CDK5RAP2: variants seen among roughly 807,000 people sequenced by gnomAD.
CDK5RAP2 encodes the protein CDK5 regulatory subunit associated protein 2, also known as CDK5 regulatory subunit-associated protein 2.
Under a neutral mutation model 232.9 loss-of-function variants are expected in CDK5RAP2, and 147 were observed. The ratio of observed to expected loss-of-function variants is 0.63; its 90% CI spans 0.55 to 0.72. CDK5RAP2 has a LOEUF of 0.72. Ranked by LOEUF, CDK5RAP2 falls within the 30% of genes least tolerant of loss-of-function variation. The pLI, the probability that CDK5RAP2 is intolerant of heterozygous loss-of-function variation, is 0.00. For synonymous variants in CDK5RAP2, 833 were observed against 833.7 expected, an observed-to-expected ratio of 1.00 and a Z score of 0.01; for missense variants, 2,195 against 2,231.5, an observed-to-expected ratio of 0.98 and a Z score of 0.33.
At chr9:120,523,919 G>C (rs902884964) in intron 11 of CDK5RAP2, among the ~76,000 whole-genome samples, 4 of 152,106 alleles carry the variant, frequency 2.6e-5, no homozygotes, top group Non-Finnish European at 5.9e-5. Flanking sequence ...GACGGAGGGA[G>C]GAGAAGGCAG....
chr9:120,528,201 T>C (rs1301905145), intron 9 of CDK5RAP2, among the ~76,000 whole-genome samples: 5 of 152,240 alleles, frequency 3.3e-5, no homozygotes, highest in Non-Finnish European at 5.9e-5. Context: ...CTTATGGAAT[T>C]TGAATACAGT....
Position 120,580,150 on chromosome 9 carries a change from G to A in CDK5RAP2, c.-172C>T, listed in dbSNP as rs781380022. 7.8e-4 allele frequency: 455 copies of A among 585,258 alleles called. No homozygotes were observed. Among genetic ancestry groups the A allele is most frequent in the Non-Finnish European group, 1.2e-3 (375 of 323,342 alleles). 36.3% of individuals were successfully genotyped at this position (585,258 alleles called of 1,614,324 possible). A position where few individuals can be genotyped will look rare whatever the true frequency, so the allele number is the denominator to read the frequency against. On this transcript the variant is annotated 5_prime_UTR_variant, in exon 1 of 38. Transcript: ENST00000349780. The stretch of plus-strand genomic sequence containing the variant: ...CACAGACGCCGCCATCTTTCCCGGC[G>A]CTTCTTCCTACGGAAACGAGGCGGG...
chr9:120,573,919 T>A (rs899803775), intron 1 of CDK5RAP2, among the ~76,000 whole-genome samples: 3 of 152,214 alleles, frequency 2.0e-5, no homozygotes, highest in Non-Finnish European at 4.4e-5. Context: ...CAAGGTCACA[T>A]ACACCAGGTT....
At chr9:120,515,051 C>CGAGAGAGACA (rs1256309479) in intron 12 of CDK5RAP2, among the ~76,000 whole-genome samples, 2 of 151,504 alleles carry the variant, frequency 1.3e-5, no homozygotes, top group African/African-American at 2.4e-5. Flanking sequence ...TATATATTAT[C>CGAGAGAGACA]GAGAGAGACA....
chr9:120,489,536 T>C (rs2131626354), intron 13 of CDK5RAP2, among the ~76,000 whole-genome samples: 1 of 152,276 alleles, frequency 6.6e-6, no homozygotes, highest in East Asian at 1.9e-4. Flanking sequence ...TTTTCTCATC[T>C]TTTTATTTGT....
chr9:120,545,239 G>A (rs1222692198), intron 5 of CDK5RAP2, among the ~76,000 whole-genome samples: 1 of 152,100 alleles, frequency 6.6e-6, no homozygotes, highest in Non-Finnish European at 1.5e-5. Context: ...AGTAAGAATT[G>A]AACTACTGAT....
chr9:120,431,451 G>A (rs909300834), intron 25 of CDK5RAP2, among the ~76,000 whole-genome samples: 3 of 152,152 alleles, frequency 2.0e-5, no homozygotes, highest in Non-Finnish European at 4.4e-5. Flanking sequence ...GTTAATAAAT[G>A]AGGATAATAA....
chr9:120,479,595 C>T (rs2038197329), intron 14 of CDK5RAP2, among the ~76,000 whole-genome samples: 1 of 152,190 alleles, frequency 6.6e-6, no homozygotes, highest in Non-Finnish European at 1.5e-5. Context: ...GCCAAAGATG[C>T]ATAAACTGAA....
At chr9:120,421,338 T>C (rs1354345993) in intron 26 of CDK5RAP2, among the ~76,000 whole-genome samples, 2 of 152,170 alleles carry the variant, frequency 1.3e-5, no homozygotes, top group East Asian at 3.8e-4. Flanking sequence ...GCCAGTGGGA[T>C]GTGATCTATT....
At chr9:120,547,689 G>A (rs2041900267) in intron 4 of CDK5RAP2, among the ~76,000 whole-genome samples, 1 of 152,130 alleles carries the variant, frequency 6.6e-6, no homozygotes, top group Non-Finnish European at 1.5e-5. Flanking sequence ...AGAGAAGCAA[G>A]TACTTCACGT....
chr9:120,570,749 G>T (rs1025159981), intron 2 of CDK5RAP2, among the ~76,000 whole-genome samples: 3 of 152,192 alleles, frequency 2.0e-5, no homozygotes, highest in African/African-American at 7.2e-5. Context: ...TGAGGCAGAA[G>T]AATTGCTTGA....
intron 25 of CDK5RAP2, among the ~76,000 whole-genome samples, chr9:120,430,555 C>G (rs1278700860): frequency 4.6e-5 from 7 of 152,084 alleles, no homozygotes; most frequent in African/African-American, 9.7e-5. Flanking sequence ...ATCAAAACCA[C>G]AATGAGATAC....
At chr9:120,448,274 C>T in intron 21 of CDK5RAP2, 148 bp from the exon 22 acceptor site, 1 of 699,700 alleles carries the variant, frequency 1.4e-6, no homozygotes, top group Admixed American at 2.2e-5. Context: ...TGCTTATCCA[C>T]CAGCCAAGGA....
At chr9:120,538,750 G>C (rs1399222535) in intron 6 of CDK5RAP2, among the ~76,000 whole-genome samples, 1 of 152,162 alleles carries the variant, frequency 6.6e-6, no homozygotes, top group Admixed American at 6.5e-5. Flanking sequence ...GTTAAACCCA[G>C]GATTAAACCT....
chr9:120,466,984 T>C (rs960923597), intron 18 of CDK5RAP2, among the ~76,000 whole-genome samples: 1 of 152,136 alleles, frequency 6.6e-6, no homozygotes, highest in South Asian at 2.1e-4. Context: ...GCAGTTCTGG[T>C]CTTCCGAAAC....
At chr9:120,576,782 A>C (rs1345883417) in intron 1 of CDK5RAP2, among the ~76,000 whole-genome samples, 1 of 152,114 alleles carries the variant, frequency 6.6e-6, no homozygotes. Flanking sequence ...GGACAATAAA[A>C]ATATCAGTGA....
chr9:120,454,671 C>T (rs1365339960), intron 20 of CDK5RAP2, among the ~76,000 whole-genome samples: 1 of 152,200 alleles, frequency 6.6e-6, no homozygotes. Flanking sequence ...TTTTCCAAAG[C>T]TCTGTGAGCA....
chr9:120,397,554 AAAAAAAAAAAAGAAAAAAG>A (rs1192246113), intron 35 of CDK5RAP2, among the ~76,000 whole-genome samples: 6 of 140,892 alleles, frequency 4.3e-5, no homozygotes, highest in African/African-American at 1.7e-4. Context: ...TAAAAAAAAA[AAAAAAAAAAAAGAAAAAAG>A]AAAAAAAAAA....
intron 18 of CDK5RAP2, among the ~76,000 whole-genome samples, chr9:120,463,600 C>T (rs1001598263): frequency 5.3e-5 from 8 of 152,266 alleles, no homozygotes; most frequent in South Asian, 2.1e-4. Context: ...CAGACTCCTG[C>T]GGATCTGAGA....
Sources: gnomAD v4.1 joint callset for allele counts (sites outside exome capture counted in the v4.1 genomes callset) on GRCh38, gnomAD v4.1.1 for gene constraint, MANE v1.5 for transcripts, NCBI Gene and HGNC (gene_info 2026-07-23, HGNC 2026-07-21) for gene names.